Variants in ATG10 observed in about 807,000 individuals in gnomAD.
The protein encoded by ATG10 is ubiquitin-like-conjugating enzyme ATG10.
Under a neutral mutation model 32.1 loss-of-function variants are expected in ATG10, and 30 were observed. The observed-to-expected ratio is 0.94, with a 90% CI of 0.70 to 1.27. ATG10 has a LOEUF of 1.27. Ranked by LOEUF, ATG10 falls within the 50% of genes most tolerant of loss-of-function variation. ATG10 has a pLI of 0.00. For synonymous variants in ATG10, 87 were observed against 91.5 expected (o/e 0.95, Z 0.28); for missense variants, 233 against 262.3 (o/e 0.89, Z 0.77).
chr5:81,986,443 A>C (rs1043457476), intron 1 of ATG10, among the ~76,000 whole-genome samples: 2 of 152,192 alleles, frequency 1.3e-5, no homozygotes, highest in African/African-American at 4.8e-5. Flanking sequence ...GAGCTCTTAC[A>C]AGGCAAGGAC....
intron 2 of ATG10, chr5:81,992,442 C>T (rs1761492540): frequency 6.6e-6 from 1 of 151,352 alleles, no homozygotes; most frequent in African/African-American, 2.4e-5. Context: ...GTCTCTGTCA[C>T]CCACGCTGGA....
intron 3 of ATG10, among the ~76,000 whole-genome samples, chr5:82,084,104 T>A (rs1213874553): frequency 6.6e-6 from 1 of 152,162 alleles, no homozygotes; most frequent in Admixed American, 6.5e-5. Context: ...GACGAATGGC[T>A]AACTAGAATA....
chr5:82,184,823 C>T (rs1744386385), intron 5 of ATG10, among the ~76,000 whole-genome samples: 1 of 152,156 alleles, frequency 6.6e-6, no homozygotes, highest in Non-Finnish European at 1.5e-5. Context: ...ACCATGCCTA[C>T]TCTGTCTAAT....
intron 5 of ATG10, among the ~76,000 whole-genome samples, chr5:82,191,138 A>C (rs184905992): frequency 6.6e-6 from 1 of 152,338 alleles, no homozygotes; most frequent in African/African-American, 2.4e-5. Context: ...TTAATGTGTT[A>C]CAGTCTGATG....
intron 2 of ATG10, among the ~76,000 whole-genome samples, chr5:82,016,063 C>T (rs566431900): frequency 1.3e-5 from 2 of 152,266 alleles, no homozygotes; most frequent in South Asian, 4.1e-4. Flanking sequence ...CTGATTATTT[C>T]TTTTGCTGTG....
At chr5:82,228,136 G>C (rs1389160608) in intron 5 of ATG10, among the ~76,000 whole-genome samples, 2 of 151,932 alleles carry the variant, frequency 1.3e-5, no homozygotes, top group Non-Finnish European at 2.9e-5. Flanking sequence ...GAGCCTGAGA[G>C]GTCAGGGCTG....
chr5:82,253,341 G>C lies in ATG10; in HGVS notation c.579G>C (p.Leu193=). The C allele has an allele frequency of 6.2e-7, 1 of 1,612,960 alleles. No individual in the cohort carries two copies. The highest frequency in any genetic ancestry group is 8.5e-7 in the Non-Finnish European group (1 of 1,178,918). Residue 193 remains leucine, a synonymous_variant, in exon 7 of 8, where the codon CTG becomes CTC. Coordinates refer to ENST00000282185, the MANE Select transcript of ATG10 (RefSeq NM_031482.5). The part of the protein sequence containing the change: ...NKNVNYITSW[L]SIVGPVVGLN... ...ATGTCAACTATATCACATCATGGCT[G>C]AGCATTGTAGGGCCAGTTGTTGGGC...
chr5:82,150,011 T>C (rs1046744449), intron 3 of ATG10, among the ~76,000 whole-genome samples: 1 of 147,458 alleles, frequency 6.8e-6, no homozygotes, highest in Non-Finnish European at 1.5e-5. Flanking sequence ...TTTAATCCAT[T>C]AAAAAAAGTT....
intron 5 of ATG10, among the ~76,000 whole-genome samples, chr5:82,199,466 A>G (rs1744984162): frequency 6.6e-6 from 1 of 152,334 alleles, no homozygotes; most frequent in South Asian, 2.1e-4. Context: ...TAGACTTTAC[A>G]GCAAGAAAGA....
intron 2 of ATG10, among the ~76,000 whole-genome samples, chr5:82,001,637 A>T (rs949297029): frequency 6.6e-6 from 1 of 151,944 alleles, no homozygotes; most frequent in Non-Finnish European, 1.5e-5. Context: ...CATATAAAAA[A>T]TCGACTCAAG....
chr5:82,055,548 C>A (rs1763563668), intron 2 of ATG10, among the ~76,000 whole-genome samples: 2 of 152,028 alleles, frequency 1.3e-5, no homozygotes, highest in Non-Finnish European at 2.9e-5. Context: ...GGTTATGTGA[C>A]CAGGGCTCAG....
At chr5:82,186,287 T>G (rs942884052) in intron 5 of ATG10, among the ~76,000 whole-genome samples, 5 of 152,178 alleles carry the variant, frequency 3.3e-5, no homozygotes, top group Non-Finnish European at 5.9e-5. Flanking sequence ...AATAAGTCAT[T>G]TAGGGGGCAG....
chr5:82,022,206 A>G (rs1381946201), intron 2 of ATG10, among the ~76,000 whole-genome samples: 1 of 151,574 alleles, frequency 6.6e-6, no homozygotes, highest in Non-Finnish European at 1.5e-5. Flanking sequence ...AAAAAATTTT[A>G]TCTGAGGTTG....
chr5:82,244,006 GTAGGGACTATCACA>G (rs1488858734), intron 5 of ATG10, among the ~76,000 whole-genome samples: 1 of 152,140 alleles, frequency 6.6e-6, no homozygotes, highest in Non-Finnish European at 1.5e-5. Context: ...GACACATATG[GTAGGGACTATCACA>G]TAGTAGGGCC....
chr5:82,137,866 C>T (rs1267775988), intron 3 of ATG10, among the ~76,000 whole-genome samples: 2 of 152,192 alleles, frequency 1.3e-5, no homozygotes, highest in Non-Finnish European at 2.9e-5. Flanking sequence ...GGAGTTTTGT[C>T]TCTAAGCCCC....
intron 3 of ATG10, among the ~76,000 whole-genome samples, chr5:82,145,084 G>T (rs1345274433): frequency 8.6e-5 from 13 of 151,708 alleles, no homozygotes; most frequent in Admixed American, 8.5e-4. Flanking sequence ...TGTTTTATCT[G>T]ATATTATATC....
At position 82,251,574 on chromosome 5, in the gene ATG10, C is replaced by T. The variant is rs1411954640; in HGVS notation, c.454-988C>T. On this transcript the variant is annotated intron_variant, in intron 5 of 7. Coordinates refer to ENST00000282185, the MANE Select transcript of ATG10 (RefSeq NM_031482.5). ...CAGCATGGCCTTGGATGGGTGCACT[C>T]GGCAGTTTCTCACGGGCCCCGTCAT... Among the ~76,000 whole-genome samples, 5 of 152,272 alleles carry T rather than the reference C, an allele frequency of 3.3e-5. No individual in the cohort carries two copies. In the South Asian group the frequency reaches 6.2e-4, roughly 19 times the overall value.
chr5:82,029,690 T>C (rs1762691370), intron 2 of ATG10, among the ~76,000 whole-genome samples: 1 of 152,224 alleles, frequency 6.6e-6, no homozygotes, highest in African/African-American at 2.4e-5. Flanking sequence ...GCTGTTCAGA[T>C]GGCTTCTGAA....
At chr5:82,026,280 C>T (rs1441347505) in intron 2 of ATG10, among the ~76,000 whole-genome samples, 1 of 152,182 alleles carries the variant, frequency 6.6e-6, no homozygotes, top group East Asian at 1.9e-4. Context: ...ATAATGCCTT[C>T]AGGGTTCATT....
Sources: allele counts gnomAD v4.1 joint callset (sites outside exome capture counted in the v4.1 genomes callset), GRCh38; gene constraint gnomAD v4.1.1; transcripts MANE v1.5; gene names NCBI Gene and HGNC (gene_info 2026-07-23, HGNC 2026-07-21).